Variants in NCKAP5 observed in about 807,000 individuals in gnomAD.
NCKAP5 encodes nck-associated protein 5.
NCKAP5 carries 92 observed loss-of-function variants against 167.0 expected under a neutral mutation model. The observed-to-expected ratio is 0.55, with a 90% CI of 0.47 to 0.66. The LOEUF (loss-of-function observed/expected upper bound fraction) is 0.66. NCKAP5 is among the 30% of genes least tolerant of loss of function. The probability of loss-of-function intolerance (pLI) is 0.00; values close to 1 mark genes in which losing one functional copy is unlikely to be tolerated. For synonymous variants in NCKAP5, 891 were observed against 877.4 expected (o/e 1.02, Z -0.27); for missense variants, 2,378 against 2,315.0 (o/e 1.03, Z -0.56).
chr2:133,637,379 A>G, the NCKAP5 span, among the ~76,000 whole-genome samples: 6 of 151,352 alleles, frequency 4.0e-5, no homozygotes, highest in African/African-American at 1.5e-4. Context: ...TTCTCAACTT[A>G]AATTATGCCT....
intron 3 of NCKAP5, among the ~76,000 whole-genome samples, chr2:133,370,193 T>C (rs750583331): frequency 2.0e-5 from 3 of 152,194 alleles, no homozygotes; most frequent in Non-Finnish European, 4.4e-5. Context: ...AGGGCATTGA[T>C]TTCTGATAGT....
chr2:133,067,090 C>G (rs2080225407), intron 6 of NCKAP5, among the ~76,000 whole-genome samples: 2 of 152,090 alleles, frequency 1.3e-5, no homozygotes, highest in African/African-American at 4.8e-5. Context: ...TGGTCTCGAT[C>G]TCCTGACTTC....
chr2:132,867,950 G>A (rs1319655086), intron 10 of NCKAP5, among the ~76,000 whole-genome samples: 1 of 152,114 alleles, frequency 6.6e-6, no homozygotes, highest in Non-Finnish European at 1.5e-5. Flanking sequence ...AAGGAACTGT[G>A]ACATTTTGAC....
intron 19 of NCKAP5, among the ~76,000 whole-genome samples, chr2:132,711,305 C>A (rs1010731525): frequency 6.6e-6 from 1 of 152,166 alleles, no homozygotes; most frequent in Non-Finnish European, 1.5e-5. Flanking sequence ...CTGCATCACA[C>A]CAGAGCTACA....
At chr2:133,098,349 G>A (rs2149669124) in intron 6 of NCKAP5, among the ~76,000 whole-genome samples, 1 of 152,276 alleles carries the variant, frequency 6.6e-6, no homozygotes, top group South Asian at 2.1e-4. Context: ...CTAAATTACA[G>A]CTGAATCTCT....
intron 4 of NCKAP5, among the ~76,000 whole-genome samples, chr2:133,242,153 C>T (rs1393320792): frequency 6.7e-6 from 1 of 148,718 alleles, no homozygotes; most frequent in African/African-American, 2.5e-5. Flanking sequence ...CAAAAATGAC[C>T]AAGGCAAAAT....
intron 6 of NCKAP5, chr2:133,123,455 G>C (rs563364467): frequency 1.5e-5 from 3 of 201,306 alleles, no homozygotes; most frequent in African/African-American, 4.6e-5. Context: ...TCTTCCATCT[G>C]TTGTAATTTG....
At chr2:133,565,561 A>G (rs1688486789) in intron 1 of NCKAP5, among the ~76,000 whole-genome samples, 1 of 152,204 alleles carries the variant, frequency 6.6e-6, no homozygotes, top group South Asian at 2.1e-4. Flanking sequence ...CCAGAGTCCA[A>G]GTTTTCAGTC....
intron 3 of NCKAP5, among the ~76,000 whole-genome samples, chr2:133,430,612 C>A (rs995067101): frequency 5.3e-5 from 8 of 152,082 alleles, no homozygotes; most frequent in Non-Finnish European, 1.2e-4. Context: ...TTTTCCAGCA[C>A]CATTTATTGA....
At position 132,783,574 on chromosome 2, in the gene NCKAP5, C is replaced by T. The variant is rs776003179; in HGVS notation, c.3237G>A (p.Thr1079=). The T allele has an allele frequency of 2.2e-5, 36 of 1,613,744 alleles. No individual in the cohort carries two copies. Among genetic ancestry groups the T allele is most frequent in the African/African-American group, 8.0e-5 (6 of 74,854 alleles). The change falls in exon 14 of 20, where the codon ACG becomes ACA. Residue 1079 remains threonine (T), a synonymous_variant. Transcript: ENST00000409261. Reference sequence around the variant, plus strand: ...TCCCTGGAGATACACTTTTGGAGGACGTCATTTCCAGTGGCTCATGGGTTG... The same window carrying T: ...TCCCTGGAGATACACTTTTGGAGGATGTCATTTCCAGTGGCTCATGGGTTG... ...SPSTHEPLEM[T]SSKSVSPGRK...
chr2:133,639,443 T>C, the NCKAP5 span, among the ~76,000 whole-genome samples: 1 of 152,160 alleles, frequency 6.6e-6, no homozygotes, highest in Non-Finnish European at 1.5e-5. Flanking sequence ...ACTATGACAC[T>C]ATCTGGATTA....
rs140337912 is a variant in NCKAP5, at chr2:132,705,788, G to A, written c.5713+19839C>T. 3.7e-4 allele frequency among the ~76,000 whole-genome samples: 56 copies of A among 152,266 alleles called. 2 individuals carry two copies. In the East Asian group the frequency reaches 4.3e-3, roughly 12 times the overall value. On this transcript the variant is annotated intron_variant, in intron 19 of 19. Transcript: ENST00000409261. ...TAGAAAGAACCTTAGAATTCATCTA[G>A]TCCAATACTCCCATTTTACAACCTA...
chr2:133,175,482 C>T (rs1441417514), intron 5 of NCKAP5, among the ~76,000 whole-genome samples: 2 of 152,114 alleles, frequency 1.3e-5, no homozygotes, highest in African/African-American at 4.8e-5. Flanking sequence ...GTCTTTTCCT[C>T]TAGTACTTAG....
At chr2:133,021,994 G>T (rs1229777534) in intron 6 of NCKAP5, among the ~76,000 whole-genome samples, 3 of 152,114 alleles carry the variant, frequency 2.0e-5, no homozygotes, top group Non-Finnish European at 4.4e-5. Flanking sequence ...TGATCCCAAG[G>T]GATCATTATG....
At chr2:132,906,869 G>T (rs1210757623) in intron 8 of NCKAP5, among the ~76,000 whole-genome samples, 1 of 152,156 alleles carries the variant, frequency 6.6e-6, no homozygotes, top group East Asian at 1.9e-4. Flanking sequence ...GGTCAAAACA[G>T]CAATTCTCCA....
At chr2:132,726,318 C>T (rs1690452180) in intron 18 of NCKAP5, among the ~76,000 whole-genome samples, 1 of 152,212 alleles carries the variant, frequency 6.6e-6, no homozygotes, top group African/African-American at 2.4e-5. Flanking sequence ...AATCTGCTGA[C>T]AGTTCATGGG....
rs1465768803 is a variant in NCKAP5, at chr2:132,783,989, G to A, written c.2822C>T (p.Ala941Val). 6.3e-7 allele frequency: 1 copy of A among 1,593,712 alleles called. No individual in the cohort carries two copies. Among genetic ancestry groups the A allele is most frequent in the Admixed American group, 1.8e-5 (1 of 55,522 alleles). The change falls in exon 14 of 20, where the codon GCC becomes GTC. Residue 941 changes from alanine (A) to valine (V), a missense_variant. Transcript: ENST00000409261. ...PPPGRSVSLL[A>V]RPSYDYSPAP... ...TGGTGAATAGTCATAGCTGGGCCTG[G>A]CCAGCAGGGAGACGGACCTGCCTGG... is the stretch of plus-strand genomic sequence containing the variant.
intron 6 of NCKAP5, among the ~76,000 whole-genome samples, chr2:133,008,254 T>G (rs575712182): frequency 6.6e-6 from 1 of 152,174 alleles, no homozygotes; most frequent in Non-Finnish European, 1.5e-5. Context: ...CAGCTAGATA[T>G]TGATTGTCAC....
chr2:132,978,963 A>G (rs1325715196), intron 7 of NCKAP5, among the ~76,000 whole-genome samples: 2 of 152,126 alleles, frequency 1.3e-5, no homozygotes, highest in African/African-American at 2.4e-5. Flanking sequence ...GTCAGAAGCA[A>G]TTATGGTTTG....
Sources: gnomAD v4.1 joint callset for allele counts (sites outside exome capture counted in the v4.1 genomes callset) on GRCh38, gnomAD v4.1.1 for gene constraint, MANE v1.5 for transcripts, NCBI Gene and HGNC (gene_info 2026-07-23, HGNC 2026-07-21) for gene names.